Variants in NOS1AP observed in about 807,000 individuals in gnomAD.
NOS1AP encodes the protein nitric oxide synthase 1 adaptor protein.
A neutral mutation model predicts 56.2 loss-of-function variants in NOS1AP; 21 were observed. The ratio of observed to expected loss-of-function variants is 0.37; its 90% CI spans 0.26 to 0.54. The LOEUF is 0.54. Among genes scored for constraint, NOS1AP ranks in the 20% least tolerant of loss-of-function variants. NOS1AP has a pLI of 0.84. For synonymous variants in NOS1AP, 270 were observed against 274.6 expected (o/e 0.98, Z 0.17); for missense variants, 522 against 657.8 (o/e 0.79, Z 2.26).
chr1:162,357,079 G>A lies in NOS1AP; in HGVS notation c.882G>A (p.Gln294=), dbSNP rs865926045. The change falls in exon 8 of 10, where the codon CAG becomes CAA. Residue 294 remains glutamine, a synonymous_variant. Transcript: ENST00000361897. Reference sequence around the variant, plus strand: ...CGCTGTCCACTCACCACCAGATGCAGCTCCTCCAGCAGCTCCTCCAGCAGC... The same window carrying A: ...CGCTGTCCACTCACCACCAGATGCAACTCCTCCAGCAGCTCCTCCAGCAGC... ...ETPLSTHHQM[Q]LLQQLLQQQQ... The A allele has an allele frequency of 6.2e-7, 1 of 1,612,322 alleles. No homozygotes were observed. Among genetic ancestry groups the A allele is most frequent in the South Asian group, 1.1e-5 (1 of 91,082 alleles).
At chr1:162,205,113 G>A (rs986314614) in intron 2 of NOS1AP, among the ~76,000 whole-genome samples, 1 of 152,186 alleles carries the variant, frequency 6.6e-6, no homozygotes, top group African/African-American at 2.4e-5. Context: ...CAAAACTGAT[G>A]CCTAGCTTCT....
At chr1:162,364,833 G>A in intron 8 of NOS1AP, 2 of 989,192 alleles carry the variant, frequency 2.0e-6, no homozygotes, top group Non-Finnish European at 2.4e-6. Flanking sequence ...AATTTAAAAA[G>A]CCATGTGTAG....
At chr1:162,249,538 TGTC>T (rs1653782571) in intron 2 of NOS1AP, among the ~76,000 whole-genome samples, 1 of 152,210 alleles carries the variant, frequency 6.6e-6, no homozygotes, top group Non-Finnish European at 1.5e-5. Context: ...TTAATTCTCT[TGTC>T]ATCATCCACA....
intron 1 of NOS1AP, among the ~76,000 whole-genome samples, chr1:162,104,947 C>A (rs1412693154): frequency 1.3e-5 from 2 of 152,174 alleles, no homozygotes; most frequent in Non-Finnish European, 2.9e-5. Context: ...TGTGCCTTTG[C>A]TGGAGAGGTG....
intron 1 of NOS1AP, among the ~76,000 whole-genome samples, chr1:162,103,487 T>C (rs1647384639): frequency 6.6e-6 from 1 of 152,204 alleles, no homozygotes; most frequent in Non-Finnish European, 1.5e-5. Context: ...TGAATATCTT[T>C]GTTAATTTTC....
chr1:162,258,622 A>G (rs1309736860), intron 2 of NOS1AP, among the ~76,000 whole-genome samples: 2 of 152,264 alleles, frequency 1.3e-5, no homozygotes, highest in African/African-American at 2.4e-5. Flanking sequence ...TAACATATAC[A>G]GTGGAAATTG....
intron 1 of NOS1AP, among the ~76,000 whole-genome samples, chr1:162,071,508 T>G (rs1691658632): frequency 6.6e-6 from 1 of 152,130 alleles, no homozygotes; most frequent in Admixed American, 6.5e-5. Flanking sequence ...CACCTTTTTT[T>G]CCCCCTGAAT....
chr1:162,091,411 T>C (rs1220125623), intron 1 of NOS1AP, among the ~76,000 whole-genome samples: 1 of 152,214 alleles, frequency 6.6e-6, no homozygotes, highest in Non-Finnish European at 1.5e-5. Context: ...CTATTGGTGA[T>C]TTGTCTCCGA....
chr1:162,323,524 T>G (rs1226449985), intron 4 of NOS1AP, among the ~76,000 whole-genome samples: 1 of 152,226 alleles, frequency 6.6e-6, no homozygotes, highest in Non-Finnish European at 1.5e-5. Context: ...AATAACTGTA[T>G]CCACTTCATA....
At chr1:162,246,503 A>G (rs1327806887) in intron 2 of NOS1AP, among the ~76,000 whole-genome samples, 2 of 152,218 alleles carry the variant, frequency 1.3e-5, no homozygotes, top group Non-Finnish European at 2.9e-5. Flanking sequence ...TAAAATTACT[A>G]GGAAAACATA....
chr1:162,292,700 G>A lies in NOS1AP; in HGVS notation c.270+5264G>A, dbSNP rs762197739. On this transcript the variant is annotated intron_variant, in intron 3 of 9. Transcript: ENST00000361897. The stretch of plus-strand genomic sequence containing the variant: ...GAAATGCCTAATTAATTAAGCCAGA[G>A]TCTTTAACTCCTAACCTGTACTCTG... 3.9e-5 allele frequency among the ~76,000 whole-genome samples: 6 copies of A among 152,298 alleles called. No homozygotes were observed. The East Asian group carries it at 7.7e-4, about 20-fold the overall frequency.
intron 2 of NOS1AP, among the ~76,000 whole-genome samples, chr1:162,197,509 G>T (rs1440788861): frequency 1.3e-5 from 2 of 152,226 alleles, no homozygotes; most frequent in African/African-American, 4.8e-5. Flanking sequence ...AATGGAACAA[G>T]TGAACTGAGC....
chr1:162,136,317 G>A (rs10918731), intron 1 of NOS1AP, among the ~76,000 whole-genome samples: 35,743 of 152,022 alleles, frequency 0.24, 7,827 homozygotes, highest in African/African-American at 0.59. Context: ...ATTTGACCAA[G>A]TATTTTATGA....
intron 1 of NOS1AP, among the ~76,000 whole-genome samples, chr1:162,083,346 C>CT (rs1418588331): frequency 6.6e-6 from 1 of 152,170 alleles, no homozygotes; most frequent in Non-Finnish European, 1.5e-5. Flanking sequence ...AACATATTAT[C>CT]TTGAGTCCAT....
intron 2 of NOS1AP, among the ~76,000 whole-genome samples, chr1:162,285,319 G>A (rs1005059873): frequency 6.6e-6 from 1 of 152,188 alleles, no homozygotes; most frequent in East Asian, 1.9e-4. Flanking sequence ...AAATGCAGGT[G>A]TGGTCAGGAA....
At chr1:162,323,050 T>C (rs1304300313) in intron 4 of NOS1AP, among the ~76,000 whole-genome samples, 1 of 152,156 alleles carries the variant, frequency 6.6e-6, no homozygotes, top group African/African-American at 2.4e-5. Flanking sequence ...TACCTGTGAA[T>C]GTGGATGTTA....
chr1:162,318,380 T>C (rs938343690), intron 4 of NOS1AP, among the ~76,000 whole-genome samples: 6 of 152,218 alleles, frequency 3.9e-5, no homozygotes, highest in African/African-American at 1.4e-4. Context: ...CTGCTCTTGC[T>C]AAGGCCACCA....
At chr1:162,165,164 A>G (rs1388503820) in intron 2 of NOS1AP, among the ~76,000 whole-genome samples, 1 of 152,058 alleles carries the variant, frequency 6.6e-6, no homozygotes, top group East Asian at 1.9e-4. Flanking sequence ...TCTACTAAAA[A>G]TACAAAATTA....
At chr1:162,276,948 A>T (rs555182322) in intron 2 of NOS1AP, among the ~76,000 whole-genome samples, 1 of 152,322 alleles carries the variant, frequency 6.6e-6, no homozygotes, top group South Asian at 2.1e-4. Flanking sequence ...GTTAGCACTG[A>T]AAGAAACCTT....
Sources: gnomAD v4.1 joint callset for allele counts (sites outside exome capture counted in the v4.1 genomes callset) on GRCh38, gnomAD v4.1.1 for gene constraint, MANE v1.5 for transcripts, NCBI Gene and HGNC (gene_info 2026-07-23, HGNC 2026-07-21) for gene names.